FBXL7: variants seen among roughly 807,000 people sequenced by gnomAD.
FBXL7 encodes the protein F-box/LRR-repeat protein 7.
In FBXL7, 12 loss-of-function variants were observed where a neutral mutation model predicts 38.3. The observed-to-expected ratio is 0.31, with a 90% CI of 0.20 to 0.51. FBXL7 has a LOEUF of 0.51. Ranked by LOEUF, FBXL7 falls within the 20% of genes least tolerant of loss-of-function variation. The pLI is 0.98. For synonymous variants in FBXL7, 297 were observed against 300.9 expected (o/e 0.99, Z 0.13); for missense variants, 567 against 676.4 (o/e 0.84, Z 1.79).
intron 2 of FBXL7, among the ~76,000 whole-genome samples, chr5:15,850,235 C>T (rs1480864339): frequency 6.6e-6 from 1 of 152,174 alleles, no homozygotes; most frequent in African/African-American, 2.4e-5. Flanking sequence ...AATAGGAAAA[C>T]ATTCCGTTAT....
intron 1 of FBXL7, among the ~76,000 whole-genome samples, chr5:15,508,276 C>G (rs530633719): frequency 1.3e-4 from 20 of 152,276 alleles, no homozygotes; most frequent in African/African-American, 4.8e-4. Context: ...ACTCACAGTA[C>G]AGGTTCTACT....
In FBXL7 at chr5:15,905,308, A is replaced by C. The variant is rs184597812; in HGVS notation, c.128-22582A>C. On this transcript the variant is annotated intron_variant, in intron 2 of 3. Transcript: ENST00000504595. ...AAAATTAAGGTGTTGTTTTCATTTT[A>C]TTTTCACTTTTTGAACCATTTTAAA... Among the ~76,000 whole-genome samples the C allele has an allele frequency of 2.7e-3, 416 of 152,282 alleles. 3 individuals are homozygous for C. Among genetic ancestry groups the C allele is most frequent in the African/African-American group, 9.8e-3 (407 of 41,568 alleles).
chr5:15,677,892 G>A (rs1445350258), intron 2 of FBXL7, among the ~76,000 whole-genome samples: 1 of 151,940 alleles, frequency 6.6e-6, no homozygotes, highest in Non-Finnish European at 1.5e-5. Context: ...TTTTTCTATA[G>A]CTTCATGTCC....
At chr5:15,685,276 C>T (rs912909409) in intron 2 of FBXL7, among the ~76,000 whole-genome samples, 1 of 152,230 alleles carries the variant, frequency 6.6e-6, no homozygotes, top group African/African-American at 2.4e-5. Flanking sequence ...TATTAAGCAC[C>T]TAAAATATAC....
chr5:15,680,297 T>C (rs1477512443), intron 2 of FBXL7, among the ~76,000 whole-genome samples: 1 of 152,226 alleles, frequency 6.6e-6, no homozygotes, highest in East Asian at 1.9e-4. Flanking sequence ...TCTTTTAGTA[T>C]ATAAGAAGGT....
At chr5:15,767,325 C>T (rs888739160) in intron 2 of FBXL7, among the ~76,000 whole-genome samples, 6 of 152,164 alleles carry the variant, frequency 3.9e-5, no homozygotes, top group African/African-American at 1.4e-4. Context: ...CAATTTAACA[C>T]AATTTTACCT....
intron 2 of FBXL7, among the ~76,000 whole-genome samples, chr5:15,808,389 A>G (rs1034849782): frequency 3.9e-5 from 6 of 152,038 alleles, no homozygotes; most frequent in Non-Finnish European, 7.4e-5. Context: ...AAATCCTTCC[A>G]TATCTAGCCA....
intron 2 of FBXL7, among the ~76,000 whole-genome samples, chr5:15,832,723 C>T (rs1195884715): frequency 1.3e-5 from 2 of 152,178 alleles, no homozygotes; most frequent in Non-Finnish European, 2.9e-5. Context: ...CTTCATTCTG[C>T]AGGTCGGGAT....
In FBXL7 at chr5:15,928,060, C is replaced by T. The variant is rs1741934760; in HGVS notation, c.298C>T (p.Leu100Phe). Residue 100 changes from leucine (L) to phenylalanine (F), a missense_variant, in exon 3 of 4, where the codon CTC becomes TTC. Leu to Phe is a conservative substitution (Grantham distance 22). Coordinates refer to ENST00000504595, the MANE Select transcript of FBXL7 (RefSeq NM_012304.5). The surrounding 1 kb of genome is among the most constrained non-coding windows in gnomAD (Gnocchi z 4.0). ...SPPPTRLTHP[L>F]IRLASRPQKE... The stretch of plus-strand genomic sequence containing the variant: ...GCCCCCGACCCGCCTCACACACCCG[C>T]TCATCCGGCTCGCCTCCAGACCCCA... The T allele has an allele frequency of 6.7e-7, 1 of 1,494,342 alleles. No homozygotes were observed. The highest frequency in any genetic ancestry group is 2.8e-5 in the East Asian group (1 of 36,130). 92.6% of individuals were successfully genotyped at this position (1,494,342 alleles called of 1,614,324 possible). A position where few individuals can be genotyped will look rare whatever the true frequency, so the allele number is the denominator to read the frequency against.
chr5:15,669,018 G>T (rs1742374329), intron 2 of FBXL7, among the ~76,000 whole-genome samples: 1 of 152,120 alleles, frequency 6.6e-6, no homozygotes, highest in South Asian at 2.1e-4. Flanking sequence ...TGGCCTTATT[G>T]TTTCTGCTGC....
At chr5:15,523,435 T>C (rs1737158608) in intron 1 of FBXL7, among the ~76,000 whole-genome samples, 2 of 152,008 alleles carry the variant, frequency 1.3e-5, no homozygotes, top group African/African-American at 4.8e-5. Flanking sequence ...GGCAGACGCC[T>C]GTAGTCCCAG....
chr5:15,783,972 G>A (rs1737069033), intron 2 of FBXL7, among the ~76,000 whole-genome samples: 1 of 152,156 alleles, frequency 6.6e-6, no homozygotes, highest in Admixed American at 6.5e-5. Context: ...ACTTCTGAGA[G>A]TTTCCTATCA....
At chr5:15,697,712 C>G (rs1390359755) in intron 2 of FBXL7, among the ~76,000 whole-genome samples, 1 of 152,124 alleles carries the variant, frequency 6.6e-6, no homozygotes, top group African/African-American at 2.4e-5. Flanking sequence ...ATTTGCTTCT[C>G]TCTTTTGGAT....
At chr5:15,732,629 A>T (rs1735620536) in intron 2 of FBXL7, among the ~76,000 whole-genome samples, 1 of 152,226 alleles carries the variant, frequency 6.6e-6, no homozygotes, top group African/African-American at 2.4e-5. Flanking sequence ...TTAAAGTCAG[A>T]ATGATGGTAC....
At chr5:15,764,818 T>C (rs1399620230) in intron 2 of FBXL7, among the ~76,000 whole-genome samples, 2 of 152,244 alleles carry the variant, frequency 1.3e-5, no homozygotes, top group African/African-American at 4.8e-5. Flanking sequence ...TATCTGTGTA[T>C]TTTGCTGCCT....
chr5:15,805,428 G>C (rs967332669), intron 2 of FBXL7, among the ~76,000 whole-genome samples: 2 of 152,066 alleles, frequency 1.3e-5, no homozygotes, highest in Non-Finnish European at 1.5e-5. Flanking sequence ...CTGTGAATTT[G>C]GAGTTTATCT....
chr5:15,796,618 G>C (rs1579470177), intron 2 of FBXL7, among the ~76,000 whole-genome samples: 1 of 152,270 alleles, frequency 6.6e-6, no homozygotes, highest in Non-Finnish European at 1.5e-5. Flanking sequence ...AAACGTCAAA[G>C]CAGTCAGGTT....
At chr5:15,891,760 C>T (rs187269762) in intron 2 of FBXL7, among the ~76,000 whole-genome samples, 10 of 152,236 alleles carry the variant, frequency 6.6e-5, no homozygotes, top group South Asian at 2.1e-4. Context: ...GAGAAATTGA[C>T]GAGAACTGAA....
intron 2 of FBXL7, among the ~76,000 whole-genome samples, chr5:15,654,888 C>T (rs903390305): frequency 1.3e-5 from 2 of 152,168 alleles, no homozygotes; most frequent in African/African-American, 4.8e-5. Context: ...TTATAAGTCT[C>T]TATAAACTAC....
Sources: gnomAD v4.1 joint callset for allele counts (sites outside exome capture counted in the v4.1 genomes callset) on GRCh38, gnomAD v4.1.1 for gene constraint, Gnocchi (gnomAD v3.1) non-coding constraint, MANE v1.5 for transcripts, NCBI Gene and HGNC (gene_info 2026-07-23, HGNC 2026-07-21) for gene names.